Variants in KEL observed in about 807,000 individuals in gnomAD.
The protein encoded by KEL is Kell metallo-endopeptidase (Kell blood group), also known as kell blood group glycoprotein.
Under a neutral mutation model 99.5 loss-of-function variants are expected in KEL, and 96 were observed. The observed-to-expected ratio is 0.97, with a 90% CI of 0.82 to 1.14. KEL has a LOEUF of 1.14. Ranked by LOEUF, KEL falls within the 50% of genes most tolerant of loss-of-function variation. KEL has a pLI of 0.00. For synonymous variants in KEL, 355 were observed against 354.8 expected, an observed-to-expected ratio of 1.00 and a Z score of -0.01; for missense variants, 926 against 924.2, an observed-to-expected ratio of 1.00 and a Z score of -0.03.
rs545286168 is a variant in KEL, at chr7:142,947,671, C to T, written c.1204-1354G>A. Reference sequence around the variant, plus strand: ...GTTCAAGTGAGTCTTCTGCTTCAGTCTCCCAAGTAGCTGGGATTACAGGTG... The same window carrying T: ...GTTCAAGTGAGTCTTCTGCTTCAGTTTCCCAAGTAGCTGGGATTACAGGTG... On this transcript the variant is annotated intron_variant, in intron 10 of 18. Coordinates refer to ENST00000355265, the MANE Select transcript of KEL (RefSeq NM_000420.3). Among the ~76,000 whole-genome samples the T allele has an allele frequency of 7.2e-5, 11 of 152,340 alleles. No individual in the cohort carries two copies. The East Asian group carries it at 7.7e-4, about 11-fold the overall frequency.
intron 6 of KEL, among the ~76,000 whole-genome samples, 168 bp from the exon 7 acceptor site, chr7:142,954,695 C>T (rs917298069): frequency 2.0e-5 from 3 of 151,966 alleles, no homozygotes; most frequent in Non-Finnish European, 4.4e-5. Context: ...GGTTGAGGGG[C>T]ATGAGAAGAA....
chr7:142,960,778 C>G, intron 4 of KEL, 150 bp downstream of exon 4: 1 of 866,100 alleles, frequency 1.2e-6, no homozygotes, highest in Non-Finnish European at 2.0e-6. Flanking sequence ...TTTTACTCCC[C>G]CATCATCTCC....
In KEL at chr7:142,943,522, A is replaced by G. The variant is rs533250224; in HGVS notation, c.1667T>C (p.Leu556Pro). The G allele has an allele frequency of 1.2e-6, 2 of 1,614,150 alleles. No individual in the cohort carries two copies. Among genetic ancestry groups the G allele is most frequent in the East Asian group, 2.2e-5 (1 of 44,882 alleles). The change falls in exon 15 of 19, where the codon CTC becomes CCC. Residue 556 changes from leucine (L) to proline (P), a missense_variant. By Grantham distance (98) the Leu-to-Pro change is moderately conservative. Transcript: ENST00000355265. ...AGGGTGGAAGAATGGGGGTTGGAGGAGTCCAGCTGGAAAGACTACCACATG... is the reference window on the plus strand; with the variant it reads ...AGGGTGGAAGAATGGGGGTTGGAGGGGTCCAGCTGGAAAGACTACCACATG... ...SDHVVVFPAGLLQPPFFHPGY... is the reference protein window; with the variant it reads ...SDHVVVFPAGPLQPPFFHPGY...
intron 18 of KEL, chr7:142,942,061 G>C (rs954564992): frequency 3.8e-6 from 1 of 265,178 alleles, no homozygotes; most frequent in Non-Finnish European, 7.2e-6. Flanking sequence ...CGCCCACCTC[G>C]GCCTCCTAGA....
At chr7:142,942,281 G>GATCTC in intron 18 of KEL, 153 bp downstream of exon 18, 1 of 656,382 alleles carries the variant, frequency 1.5e-6, no homozygotes, top group East Asian at 2.7e-5. Flanking sequence ...CCAAGGGGTA[G>GATCTC]GGAGGGAAGA....
Position 142,961,034 on chromosome 7 carries a change from G to T in KEL, c.294C>A (p.Ala98=), listed in dbSNP as rs749206882. The T allele has an allele frequency of 4.7e-5, 76 of 1,614,064 alleles. No individual in the cohort carries two copies. The highest frequency in any genetic ancestry group is 4.7e-5 in the Non-Finnish European group (56 of 1,180,036). The part of the protein sequence containing the change: ...HYLASGNTSV[A]PCTDFFSFAC... ...CAAAGCTGAAGAAGTCGGTGCAGGGGGCCACACTTGTGTTCCCAGAGGCCA... is the reference window on the plus strand; with the variant it reads ...CAAAGCTGAAGAAGTCGGTGCAGGGTGCCACACTTGTGTTCCCAGAGGCCA... Residue 98 remains alanine, a synonymous_variant, in exon 4 of 19, where the codon GCC becomes GCA. Coordinates refer to ENST00000355265, the MANE Select transcript of KEL (RefSeq NM_000420.3).
In KEL at chr7:142,943,509, T is replaced by TGGGGGTTGG; in HGVS notation, c.1671_1679dup (p.Gln558_Pro560dup). ...ACCTGGGATAGCCAGGGTGGAAGAA[T>TGGGGGTTGG]GGGGGTTGGAGGAGTCCAGCTGGAA... On this transcript the variant is annotated inframe_insertion, in exon 15 of 19. Transcript: ENST00000355265. 1 of 1,613,964 alleles carries TGGGGGTTGG rather than the reference T, an allele frequency of 6.2e-7. No individual in the cohort carries two copies. Among genetic ancestry groups the TGGGGGTTGG allele is most frequent in the Non-Finnish European group, 8.5e-7 (1 of 1,179,894 alleles).
At chr7:142,957,127 G>A (rs2116678263) in intron 6 of KEL, among the ~76,000 whole-genome samples, 1 of 152,312 alleles carries the variant, frequency 6.6e-6, no homozygotes, top group East Asian at 1.9e-4. Flanking sequence ...GGGAGAGCAG[G>A]GCTTCACCTA....
At chr7:142,949,261 G>A (rs1273545425) in intron 10 of KEL, among the ~76,000 whole-genome samples, 1 of 152,212 alleles carries the variant, frequency 6.6e-6, no homozygotes, top group Non-Finnish European at 1.5e-5. Context: ...GATTTAGCCA[G>A]GCTTGAAAAA....
chr7:142,945,313 C>T (rs1796496255), intron 11 of KEL, among the ~76,000 whole-genome samples: 1 of 152,202 alleles, frequency 6.6e-6, no homozygotes, highest in Non-Finnish European at 1.5e-5. Flanking sequence ...GCTCTGGCAT[C>T]AGAATGCCTG....
At chr7:142,943,177 T>A in intron 16 of KEL, 99 bp downstream of exon 16, 2 of 1,550,804 alleles carry the variant, frequency 1.3e-6, no homozygotes, top group Non-Finnish European at 1.8e-6. Flanking sequence ...CTGCCCCACC[T>A]CAAACCCTCA....
chr7:142,944,239 G>A (rs1266316849), intron 13 of KEL, 84 bp downstream of exon 13: 2 of 1,150,936 alleles, frequency 1.7e-6, no homozygotes, highest in Non-Finnish European at 1.3e-6. Flanking sequence ...AGGGAAAACT[G>A]ATTGTCCAAC....
At chr7:142,945,827 C>T (rs937065109) in intron 11 of KEL, among the ~76,000 whole-genome samples, 6 of 152,126 alleles carry the variant, frequency 3.9e-5, no homozygotes, top group African/African-American at 1.4e-4. Flanking sequence ...GGGGTTTCTC[C>T]ATGTTGGTCA....
chr7:142,948,843 C>A (rs8176009), intron 10 of KEL, among the ~76,000 whole-genome samples: 1 of 150,802 alleles, frequency 6.6e-6, no homozygotes, highest in African/African-American at 2.4e-5. Context: ...CATCATGTAG[C>A]GACAGTCAGT....
At chr7:142,948,349 A>G (rs1483711350) in intron 10 of KEL, among the ~76,000 whole-genome samples, 1 of 152,216 alleles carries the variant, frequency 6.6e-6, no homozygotes, top group African/African-American at 2.4e-5. Context: ...TTCAAACCCA[A>G]GATAATGAAA....
chr7:142,954,600 A>G, intron 6 of KEL, 73 bp from the exon 7 acceptor site: 3 of 1,313,768 alleles, frequency 2.3e-6, no homozygotes, highest in Non-Finnish European at 2.2e-6. Context: ...GAGGTGGGGA[A>G]TATACCATGG....
intron 7 of KEL, 35 bp downstream of exon 7, chr7:142,954,430 C>A (rs774896226): frequency 1.2e-6 from 2 of 1,612,260 alleles, no homozygotes; most frequent in Non-Finnish European, 1.7e-6. Flanking sequence ...CTCCTGGCCT[C>A]AGAGGGCAGG....
intron 2 of KEL, 93 bp from the exon 3 acceptor site, chr7:142,961,594 C>T: frequency 1.4e-6 from 2 of 1,437,092 alleles, no homozygotes; most frequent in Non-Finnish European, 9.7e-7. Flanking sequence ...GTTGGTGCTA[C>T]AGTCCCTTTA....
chr7:142,944,588 C>T (rs1796464324), intron 12 of KEL, 55 bp downstream of exon 12: 4 of 1,458,126 alleles, frequency 2.7e-6, no homozygotes, highest in Non-Finnish European at 3.8e-6. Flanking sequence ...CTCGCTTGTT[C>T]CAATACTCCA....
Sources: gnomAD v4.1 joint callset for allele counts (sites outside exome capture counted in the v4.1 genomes callset) on GRCh38, gnomAD v4.1.1 for gene constraint, MANE v1.5 for transcripts, NCBI Gene and HGNC (gene_info 2026-07-23, HGNC 2026-07-21) for gene names.